Variants in ZNF69 observed in about 807,000 individuals in gnomAD.
The protein encoded by ZNF69 is zinc finger protein 69, also known as ZNF3.
A neutral mutation model predicts 50.9 loss-of-function variants in ZNF69; 47 were observed. The observed-to-expected ratio is 0.92, with a 90% CI of 0.73 to 1.18. ZNF69 has a LOEUF of 1.18. Ranked by LOEUF, ZNF69 falls within the 50% of genes most tolerant of loss-of-function variation. The probability of loss-of-function intolerance (pLI) is 0.00; values close to 1 mark genes in which losing one functional copy is unlikely to be tolerated. For missense variants in ZNF69, 717 were observed against 675.1 expected (o/e 1.06, Z -0.69); for synonymous variants, 216 against 223.1 (o/e 0.97, Z 0.29).
the ZNF69 span, among the ~76,000 whole-genome samples, chr19:11,932,545 C>T: frequency 6.8e-6 from 1 of 147,844 alleles, no homozygotes; most frequent in Non-Finnish European, 1.5e-5. Context: ...ACGATAACTG[C>T]CTTACTTTTC....
the ZNF69 span, among the ~76,000 whole-genome samples, chr19:11,964,700 A>G: frequency 2.6e-5 from 4 of 152,270 alleles, no homozygotes; most frequent in Non-Finnish European, 4.4e-5. Flanking sequence ...GATGGCTCCT[A>G]TGGACACTGA....
chr19:11,903,818 G>T, intron 2 of ZNF69, 87 bp from the exon 3 acceptor site: 1 of 1,605,652 alleles, frequency 6.2e-7, no homozygotes, highest in East Asian at 2.2e-5. Context: ...ATGAGGTATG[G>T]CTGCAGTAAA....
At chr19:11,912,895 A>T (rs895548061) in intron 4 of ZNF69, among the ~76,000 whole-genome samples, 1 of 152,212 alleles carries the variant, frequency 6.6e-6, no homozygotes, top group Non-Finnish European at 1.5e-5. Context: ...GTTATCTTTA[A>T]ATAATTAAGA....
At chr19:11,919,828 C>G in the ZNF69 span, among the ~76,000 whole-genome samples, 646 of 152,178 alleles carry the variant, frequency 4.2e-3, 2 homozygotes, top group African/African-American at 0.015. Flanking sequence ...GTTGGACTCC[C>G]GAAGCTCCAG....
chr19:11,948,994 C>T, the ZNF69 span: 1 of 1,607,558 alleles, frequency 6.2e-7, no homozygotes. Flanking sequence ...TCTTCGTAGA[C>T]ATGAAAGGAC....
At chr19:11,941,227 G>A in the ZNF69 span, among the ~76,000 whole-genome samples, 1 of 152,278 alleles carries the variant, frequency 6.6e-6, no homozygotes, top group Non-Finnish European at 1.5e-5. Context: ...AGCCCAGATG[G>A]CTTCACCCAG....
the ZNF69 span, among the ~76,000 whole-genome samples, chr19:11,970,785 G>A: frequency 1.4e-4 from 22 of 152,126 alleles, no homozygotes; most frequent in Non-Finnish European, 2.2e-4. Flanking sequence ...TACAGCATTA[G>A]CTGAGCATGG....
chr19:11,977,237 C>G, the ZNF69 span: 2 of 1,606,524 alleles, frequency 1.2e-6, no homozygotes, highest in African/African-American at 1.3e-5. Context: ...GCTGTTGAGT[C>G]ATTTGGAACA....
At chr19:11,949,428 T>G in the ZNF69 span, 2 of 1,600,342 alleles carry the variant, frequency 1.2e-6, no homozygotes, top group African/African-American at 2.8e-5. Flanking sequence ...GTAGGACTCA[T>G]ACTGGAGAGA....
At position 11,905,433 on chromosome 19, in the gene ZNF69, A is replaced by G; in HGVS notation, c.1036A>G (p.Ser346Gly). The stretch of plus-strand genomic sequence containing the variant: ...TGGGAAAGCATTATCCTCTCTTACA[A>G]GTTTTCAAACACACATAAGAATGCA... ...QCGKALSSLT[S>G]FQTHIRMHSG... The change falls in exon 4 of 4, where the codon AGT (serine) becomes GGT (glycine). Residue 346 changes from serine to glycine, a missense_variant. By Grantham distance (56) the Ser-to-Gly change is moderately conservative. Coordinates refer to ENST00000429654, the MANE Select transcript of ZNF69 (RefSeq NM_001364730.1). 6.2e-7 allele frequency: 1 copy of G among 1,614,238 alleles called. No individual in the cohort carries two copies.
chr19:11,934,335 A>G, the ZNF69 span, among the ~76,000 whole-genome samples: 5 of 147,660 alleles, frequency 3.4e-5, 1 homozygote, highest in African/African-American at 8.0e-5. Context: ...AATCAGTAGG[A>G]CCATGCTTAT....
At chr19:11,915,927 T>C (rs1972517993), downstream of ZNF69, among the ~76,000 whole-genome samples, 1 of 152,020 alleles carries the variant, frequency 6.6e-6, no homozygotes, top group Admixed American at 6.6e-5. Context: ...AAAAGCTCAC[T>C]TGGTTCTTCC....
chr19:11,904,685 T>A lies in ZNF69; in HGVS notation c.288T>A (p.Asp96Glu), dbSNP rs1235244197. The A allele has an allele frequency of 1.9e-6, 3 of 1,613,446 alleles. No homozygotes were observed. Among genetic ancestry groups the A allele is most frequent in the East Asian group, 2.2e-5 (1 of 44,886 alleles). The change falls in exon 4 of 4, where the codon GAT becomes GAA. Residue 96 changes from aspartate (D) to glutamate (E), a missense_variant. Physicochemically the swap from Asp to Glu is conservative, Grantham distance 45. Transcript: ENST00000429654. Reference sequence around the variant, plus strand: ...AAAAGAAAGTCAATGAAATTAAAGATGACAGTCATTGTGGAGAAACTTTTA... The same window carrying A: ...AAAAGAAAGTCAATGAAATTAAAGAAGACAGTCATTGTGGAGAAACTTTTA... ...LIEKKVNEIK[D>E]DSHCGETFTQ...
chr19:11,947,067 C>A, the ZNF69 span: 1 of 1,462,710 alleles, frequency 6.8e-7, no homozygotes, highest in Non-Finnish European at 9.1e-7. Context: ...ATAACCGAAG[C>A]AGGGAATAAA....
At chr19:11,926,287 A>G in the ZNF69 span, among the ~76,000 whole-genome samples, 1 of 152,210 alleles carries the variant, frequency 6.6e-6, no homozygotes, top group Non-Finnish European at 1.5e-5. Context: ...AGAGGGTATA[A>G]GGAGACCTGT....
At chr19:11,970,020 G>T in the ZNF69 span, among the ~76,000 whole-genome samples, 1 of 152,186 alleles carries the variant, frequency 6.6e-6, no homozygotes, top group African/African-American at 2.4e-5. Flanking sequence ...TGCCTTAGGG[G>T]AGTGGGACCT....
chr19:11,892,309 T>C (rs1406001403), intron 1 of ZNF69, among the ~76,000 whole-genome samples: 2 of 152,152 alleles, frequency 1.3e-5, no homozygotes, highest in African/African-American at 2.4e-5. Flanking sequence ...GTTTGCTTTT[T>C]TCCCCCAGCG....
At chr19:11,949,054 T>C in the ZNF69 span, 2 of 1,608,788 alleles carry the variant, frequency 1.2e-6, no homozygotes, top group Non-Finnish European at 1.7e-6. Flanking sequence ...GGAAGGCTTA[T>C]CCTATCTTAT....
chr19:11,923,794 T>G, the ZNF69 span, among the ~76,000 whole-genome samples: 1 of 152,004 alleles, frequency 6.6e-6, no homozygotes, highest in African/African-American at 2.4e-5. Flanking sequence ...ATCGATGGGG[T>G]GAGAAGTAGC....
Sources: allele counts gnomAD v4.1 joint callset (sites outside exome capture counted in the v4.1 genomes callset), GRCh38; gene constraint gnomAD v4.1.1; transcripts MANE v1.5; gene names NCBI Gene and HGNC (gene_info 2026-07-23, HGNC 2026-07-21).